The following GPR19 variants were observed in gnomAD, a reference collection of about 807,000 sequenced individuals.
GPR19 encodes probable G protein-coupled receptor 19.
In GPR19, 14 loss-of-function variants were observed where a neutral mutation model predicts 28.5. The ratio of observed to expected loss-of-function variants is 0.49; its 90% CI spans 0.32 to 0.77. The LOEUF (loss-of-function observed/expected upper bound fraction) is 0.77. Among genes scored for constraint, GPR19 ranks in the 30% least tolerant of loss-of-function variants. GPR19 has a pLI of 0.03. For synonymous variants in GPR19, 173 were observed against 184.1 expected, an observed-to-expected ratio of 0.94 and a Z score of 0.49; for missense variants, 409 against 504.1, an observed-to-expected ratio of 0.81 and a Z score of 1.81.
chr12:12,665,354 C>T (rs1044397544), intron 3 of GPR19, among the ~76,000 whole-genome samples: 2 of 152,196 alleles, frequency 1.3e-5, no homozygotes, highest in African/African-American at 4.8e-5. Context: ...ACCCATGAGT[C>T]TGTCTGCCCA....
intron 2 of GPR19, among the ~76,000 whole-genome samples, chr12:12,691,939 A>C (rs1168744292): frequency 1.3e-5 from 2 of 152,128 alleles, no homozygotes; most frequent in African/African-American, 4.8e-5. Context: ...CCTATATAAC[A>C]ATCAAAAGTT....
intron 2 of GPR19, among the ~76,000 whole-genome samples, chr12:12,691,681 C>A (rs1946182460): frequency 6.6e-6 from 1 of 152,102 alleles, no homozygotes; most frequent in Non-Finnish European, 1.5e-5. Flanking sequence ...CATCTTTATA[C>A]CTCTAGGATC....
At chr12:12,698,873 G>A (rs1373717856), upstream of GPR19, among the ~76,000 whole-genome samples, 1 of 152,012 alleles carries the variant, frequency 6.6e-6, no homozygotes, top group African/African-American at 2.4e-5. Flanking sequence ...GCCTCCCAAA[G>A]TGCTGGGATT....
the GPR19 span, among the ~76,000 whole-genome samples, chr12:12,712,861 T>C: frequency 1.3e-5 from 2 of 152,208 alleles, no homozygotes; most frequent in Admixed American, 1.3e-4. Flanking sequence ...GCACATGGTA[T>C]ATACTCCCCA....
the GPR19 span, among the ~76,000 whole-genome samples, chr12:12,704,912 GA>G: frequency 6.6e-6 from 1 of 152,122 alleles, no homozygotes; most frequent in African/African-American, 2.4e-5. Flanking sequence ...GGAAGGGAAG[GA>G]AAACTACTTG....
chr12:12,679,503 T>C (rs1173531601), intron 3 of GPR19, among the ~76,000 whole-genome samples: 1 of 148,516 alleles, frequency 6.7e-6, no homozygotes, highest in African/African-American at 2.5e-5. Flanking sequence ...AAGGTTGAGG[T>C]GGGACTATCA....
chr12:12,665,736 C>T (rs984237152), intron 3 of GPR19, among the ~76,000 whole-genome samples: 1 of 134,568 alleles, frequency 7.4e-6, no homozygotes, highest in African/African-American at 2.8e-5. Flanking sequence ...ATCCGGGAGG[C>T]TGAGGCAGGA....
chr12:12,663,868 G>A (rs1945717823), intron 3 of GPR19, among the ~76,000 whole-genome samples: 1 of 152,206 alleles, frequency 6.6e-6, no homozygotes, highest in African/African-American at 2.4e-5. Context: ...CCAGCAACAG[G>A]CTTTTCTAGT....
At chr12:12,708,901 G>C in the GPR19 span, among the ~76,000 whole-genome samples, 1 of 152,152 alleles carries the variant, frequency 6.6e-6, no homozygotes, top group Non-Finnish European at 1.5e-5. Context: ...ACAAAAATTA[G>C]CTGGGCGTGG....
intron 3 of GPR19, among the ~76,000 whole-genome samples, chr12:12,678,483 T>C (rs1349613348): frequency 1.3e-5 from 2 of 152,148 alleles, no homozygotes; most frequent in Admixed American, 6.5e-5. Flanking sequence ...AGAAAGGTAA[T>C]AAGAGAGAAA....
chr12:12,666,754 T>C (rs182037945), intron 3 of GPR19, among the ~76,000 whole-genome samples: 55 of 152,328 alleles, frequency 3.6e-4, no homozygotes, highest in Admixed American at 1.2e-3. Context: ...TAAATGACTC[T>C]TACTCTATGT....
chr12:12,675,624 G>T (rs1297672578), intron 3 of GPR19, among the ~76,000 whole-genome samples: 1 of 152,166 alleles, frequency 6.6e-6, no homozygotes, highest in African/African-American at 2.4e-5. Flanking sequence ...AGAAGTCAGA[G>T]AGACTCCAAG....
At chr12:12,667,597 A>T (rs1945801454) in intron 3 of GPR19, among the ~76,000 whole-genome samples, 1 of 151,902 alleles carries the variant, frequency 6.6e-6, no homozygotes, top group Admixed American at 6.6e-5. Flanking sequence ...AGGCTGAGGC[A>T]GGAGAATCGC....
the GPR19 span, chr12:12,716,720 T>C: frequency 2.0e-6 from 2 of 984,860 alleles, no homozygotes; most frequent in Admixed American, 6.2e-5. Flanking sequence ...AGAAAGACGT[T>C]CGCTTTGGCT....
rs529306404 is a variant in GPR19 at position 12,675,767 on chromosome 12, C to T, written c.-23+8584G>A. Among the ~76,000 whole-genome samples the T allele has an allele frequency of 3.3e-5, 5 of 152,214 alleles. No homozygotes were observed. The South Asian group carries it at 1.0e-3, about 32-fold the overall frequency. On this transcript the variant is annotated intron_variant, in intron 3 of 3. Transcript: ENST00000651487. ...TCAAGGAAATAGGATCTTAGTCTTA[C>T]AACCACAAGGCACCGGATTCTGCCA...
intron 3 of GPR19, among the ~76,000 whole-genome samples, chr12:12,674,085 GC>G (rs1485922278): frequency 6.6e-6 from 1 of 151,842 alleles, no homozygotes; most frequent in Non-Finnish European, 1.5e-5. Flanking sequence ...GGTGGTGAGT[GC>G]CTGTAATCCC....
At chr12:12,681,609 T>C (rs547424723) in intron 3 of GPR19, among the ~76,000 whole-genome samples, 30 of 152,314 alleles carry the variant, frequency 2.0e-4, no homozygotes, top group Admixed American at 3.3e-4. Flanking sequence ...GGGGGGCATG[T>C]AGCACTTGCC....
intron 3 of GPR19, among the ~76,000 whole-genome samples, chr12:12,683,599 CTGTT>C (rs1480312525): frequency 3.9e-5 from 6 of 152,342 alleles, no homozygotes; most frequent in Non-Finnish European, 7.3e-5. Context: ...GATTCAATGA[CTGTT>C]TGTGCTTAGA....
chr12:12,701,939 A>C, the GPR19 span, among the ~76,000 whole-genome samples: 1 of 129,760 alleles, frequency 7.7e-6, no homozygotes, highest in Non-Finnish European at 1.7e-5. Context: ...AAAAAAAAAA[A>C]AGAATGGACA....
Sources: gnomAD v4.1 joint callset for allele counts (sites outside exome capture counted in the v4.1 genomes callset) on GRCh38, gnomAD v4.1.1 for gene constraint, MANE v1.5 for transcripts, NCBI Gene and HGNC (gene_info 2026-07-23, HGNC 2026-07-21) for gene names.